GARNL3: variants seen among roughly 807,000 people sequenced by gnomAD.
The protein encoded by GARNL3 is GTPase-activating Rap/Ran-GAP domain-like protein 3.
Under a neutral mutation model 125.0 loss-of-function variants are expected in GARNL3, and 63 were observed. That is an observed-to-expected ratio of 0.50 (90% CI 0.41 to 0.62). GARNL3 has a LOEUF of 0.62. GARNL3 is among the 20% of genes least tolerant of loss of function. The pLI, the probability that GARNL3 is intolerant of heterozygous loss-of-function variation, is 0.00. For synonymous variants in GARNL3, 439 were observed against 457.5 expected (o/e 0.96, Z 0.52); for missense variants, 994 against 1,244.0 (o/e 0.80, Z 3.02).
At chr9:127,375,877 C>G (rs1206015081) in intron 22 of GARNL3, among the ~76,000 whole-genome samples, 1 of 152,198 alleles carries the variant, frequency 6.6e-6, no homozygotes, top group Admixed American at 6.5e-5. Context: ...GGAACTAAGT[C>G]CTCTGCCAAG....
intron 6 of GARNL3, among the ~76,000 whole-genome samples, chr9:127,321,604 T>C (rs1326180622): frequency 2.0e-5 from 3 of 152,222 alleles, no homozygotes; most frequent in African/African-American, 7.2e-5. Flanking sequence ...AATTTAGTCA[T>C]AATTTAGGTG....
intron 22 of GARNL3, among the ~76,000 whole-genome samples, chr9:127,376,891 T>C (rs1831948071): frequency 1.3e-5 from 2 of 152,210 alleles, no homozygotes; most frequent in Non-Finnish European, 1.5e-5. Context: ...AACATCACTG[T>C]AGAATCTAAG....
chr9:127,324,938 TCCTATAACCAA>T, intron 6 of GARNL3, 120 bp from the exon 7 acceptor site: 1 of 892,274 alleles, frequency 1.1e-6, no homozygotes. Flanking sequence ...CAAACAAAGC[TCCTATAACCAA>T]CTTTTAAAAT....
Position 127,364,086 on chromosome 9 carries a change from C to G in GARNL3, c.2095-1214C>G, listed in dbSNP as rs1168455314. 1 of 152,286 alleles carries G rather than the reference C, an allele frequency of 6.6e-6. No individual in the cohort carries two copies. The highest frequency in any genetic ancestry group is 2.4e-5 in the African/African-American group (1 of 41,428). The allele number at this position is 152,286 out of a possible 1,614,324, so 9.4% of individuals were successfully genotyped here. A position where few individuals can be genotyped will look rare whatever the true frequency, so the allele number is the denominator to read the frequency against. Reference sequence around the variant, plus strand: ...CCCATCTGTCTGCCCAGTCTGTGCCCCTCCAACCACCCCACCCCCAATCCA... The same window carrying G: ...CCCATCTGTCTGCCCAGTCTGTGCCGCTCCAACCACCCCACCCCCAATCCA... On this transcript the variant is annotated intron_variant, in intron 21 of 27. Transcript: ENST00000373387. The surrounding 1 kb of genome is among the most constrained non-coding windows in gnomAD (Gnocchi z 4.2).
At chr9:127,227,600 CA>C (rs57134477) in intron 1 of GARNL3, among the ~76,000 whole-genome samples, 1 of 148,802 alleles carries the variant, frequency 6.7e-6, no homozygotes, top group South Asian at 2.1e-4. Flanking sequence ...GACTCCGTCT[CA>C]AAAAAAACAA....
intron 15 of GARNL3, 131 bp from the exon 16 acceptor site, chr9:127,345,272 G>A (rs80162209): frequency 3.8e-6 from 2 of 524,796 alleles, no homozygotes; most frequent in Non-Finnish European, 6.7e-6. Flanking sequence ...TGATTAACAA[G>A]TCAGTAGAGG....
upstream of GARNL3, among the ~76,000 whole-genome samples, chr9:127,260,672 A>T (rs531731403): frequency 7.6e-4 from 116 of 152,280 alleles, no homozygotes; most frequent in Non-Finnish European, 1.3e-3. Context: ...GTTCATAACC[A>T]CTGGGCATGG....
At chr9:127,285,098 G>T (rs2064209879) in intron 1 of GARNL3, among the ~76,000 whole-genome samples, 2 of 152,168 alleles carry the variant, frequency 1.3e-5, no homozygotes, top group Admixed American at 6.5e-5. Flanking sequence ...CAATTTTATA[G>T]AATATTTTAG....
At chr9:127,359,196 T>C (rs1830847872) in intron 21 of GARNL3, among the ~76,000 whole-genome samples, 1 of 152,026 alleles carries the variant, frequency 6.6e-6, no homozygotes, top group Non-Finnish European at 1.5e-5. Flanking sequence ...CTTTAAAAGT[T>C]CTCACCCTCT....
At chr9:127,277,956 T>G (rs1181510013) in intron 1 of GARNL3, among the ~76,000 whole-genome samples, 1 of 152,218 alleles carries the variant, frequency 6.6e-6, no homozygotes, top group Non-Finnish European at 1.5e-5. Flanking sequence ...TTTGTTATTG[T>G]ATCCCCAGCA....
chr9:127,265,314 G>A (rs115791898), intron 1 of GARNL3, among the ~76,000 whole-genome samples: 152 of 152,126 alleles, frequency 1.0e-3, no homozygotes, highest in African/African-American at 3.5e-3. Context: ...AATTAAGAAA[G>A]GTGGCATTTG....
At chr9:127,389,598 C>A (rs1282913040) in intron 26 of GARNL3, among the ~76,000 whole-genome samples, 1 of 152,074 alleles carries the variant, frequency 6.6e-6, no homozygotes, top group Non-Finnish European at 1.5e-5. Flanking sequence ...GTGGATAGAA[C>A]AGATGCAAGA....
At chr9:127,232,513 T>A (rs2063036649) in intron 1 of GARNL3, among the ~76,000 whole-genome samples, 2 of 152,124 alleles carry the variant, frequency 1.3e-5, no homozygotes, top group Non-Finnish European at 2.9e-5. Context: ...CTTCCTGTGT[T>A]GCCCAGGCTG....
intron 7 of GARNL3, among the ~76,000 whole-genome samples, chr9:127,327,878 T>C (rs2065623010): frequency 1.3e-5 from 2 of 152,242 alleles, no homozygotes; most frequent in African/African-American, 4.8e-5. Context: ...AGACAACTGC[T>C]ATTAACATTT....
In GARNL3 at chr9:127,242,912, G is replaced by A. The variant is rs1017310196; in HGVS notation, c.-28-167G>A. On this transcript the variant is annotated intron_variant, in intron 1 of 10. Transcript: ENST00000439286. This position sits in a 1 kb window ranked among gnomAD's most constrained non-coding sequence, Gnocchi z 4.6. ...GCCCAATGCTTCCTTGATGCAGTAA[G>A]GTCATATGCGGTCTTGGTGGGGCCC... Among the ~76,000 whole-genome samples the A allele has an allele frequency of 6.6e-5, 10 of 152,148 alleles. No individual in the cohort carries two copies. Among genetic ancestry groups the A allele is most frequent in the African/African-American group, 2.4e-4 (10 of 41,430 alleles).
chr9:127,304,617 C>G (rs1198632268), intron 2 of GARNL3, among the ~76,000 whole-genome samples: 1 of 136,992 alleles, frequency 7.3e-6, no homozygotes, highest in Non-Finnish European at 1.5e-5. Flanking sequence ...CTCACTGCAA[C>G]CTCCGTCTCT....
Position 127,385,409 on chromosome 9 carries a change from A to C in GARNL3, c.2388+264A>C, listed in dbSNP as rs2131825307. On this transcript the variant is annotated intron_variant, in intron 24 of 27. Coordinates refer to ENST00000373387, the MANE Select transcript of GARNL3 (RefSeq NM_032293.5). This position sits in a 1 kb window ranked among gnomAD's most constrained non-coding sequence, Gnocchi z 4.1. ...AGCTGGGGAGCACTTAGCTGAAAAG[A>C]GATATCCCCGCTCAGAGACTGGGTC... Among the ~76,000 whole-genome samples the C allele has an allele frequency of 6.6e-6, 1 of 152,256 alleles. No individual in the cohort carries two copies.
At chr9:127,270,146 C>A (rs1052590700) in intron 1 of GARNL3, among the ~76,000 whole-genome samples, 22 of 152,194 alleles carry the variant, frequency 1.4e-4, no homozygotes, top group South Asian at 6.2e-4. Context: ...TGCTTGTGGA[C>A]ATCCAGTTTT....
intron 2 of GARNL3, among the ~76,000 whole-genome samples, chr9:127,303,855 C>T (rs1031816252): frequency 1.5e-4 from 23 of 152,126 alleles, no homozygotes; most frequent in Non-Finnish European, 3.1e-4. Context: ...TCCGTCACAT[C>T]CCACAAGTAT....
Sources: allele counts gnomAD v4.1 joint callset (sites outside exome capture counted in the v4.1 genomes callset), GRCh38; gene constraint gnomAD v4.1.1; non-coding constraint Gnocchi (gnomAD v3.1); transcripts MANE v1.5; gene names NCBI Gene and HGNC (gene_info 2026-07-23, HGNC 2026-07-21).